The following ZNF334 variants were observed in gnomAD, a reference collection of about 807,000 sequenced individuals.
ZNF334 encodes zinc finger protein 334.
Under a neutral mutation model 12.4 loss-of-function variants are expected in ZNF334, and 14 were observed. The observed-to-expected ratio is 1.13, with a 90% confidence interval of 0.74 to 1.76. The LOEUF (loss-of-function observed/expected upper bound fraction) is 1.76. Among genes scored for constraint, ZNF334 ranks in the 40% most tolerant of loss-of-function variants. ZNF334 has a pLI of 0.00. For synonymous variants in ZNF334, 273 were observed against 269.6 expected, an observed-to-expected ratio of 1.01 and a Z score of -0.12; for missense variants, 797 against 804.5, an observed-to-expected ratio of 0.99 and a Z score of 0.11.
At chr20:46,507,223 G>T in intron 2 of ZNF334, among the ~76,000 whole-genome samples, 1 of 151,298 alleles carries the variant, frequency 6.6e-6, no homozygotes. Context: ...ACAAGGAAAA[G>T]AAAACAAAGG....
At chr20:46,475,406 G>C in the ZNF334 span, among the ~76,000 whole-genome samples, 35 of 152,094 alleles carry the variant, frequency 2.3e-4, 1 homozygote, top group South Asian at 6.6e-3. Flanking sequence ...ATCCATAAAA[G>C]AAGATATTTA....
At chr20:46,509,213 T>C (rs2061552962) in intron 2 of ZNF334, among the ~76,000 whole-genome samples, 1 of 152,198 alleles carries the variant, frequency 6.6e-6, no homozygotes, top group Non-Finnish European at 1.5e-5. Flanking sequence ...GTTCTATTGA[T>C]TTTTTTAAAA....
chr20:46,480,209 A>G, the ZNF334 span, among the ~76,000 whole-genome samples: 1 of 152,114 alleles, frequency 6.6e-6, no homozygotes, highest in Non-Finnish European at 1.5e-5. Flanking sequence ...ACAATTATTA[A>G]TCACACATTT....
At chr20:46,490,252 T>A in the ZNF334 span, among the ~76,000 whole-genome samples, 1 of 152,236 alleles carries the variant, frequency 6.6e-6, no homozygotes, top group African/African-American at 2.4e-5. Flanking sequence ...GTTCTTAATG[T>A]TCTTAGCAAC....
rs768028440 is a variant in ZNF334 at position 46,502,455 on chromosome 20, C to T, written c.884G>A (p.Cys295Tyr). ...AATGAAGGTTTTCCTGCATTCACTG[C>T]ATTCATAGGGTCTCTCTCCAGTATG... ...RIHTGERPYE[C>Y]SECRKTFIDK... is the part of the protein sequence containing the mutation. The change falls in exon 5 of 5, where the codon TGC (cysteine) becomes TAC (tyrosine). Residue 295 changes from cysteine to tyrosine, a missense_variant. Cys to Tyr is a radical substitution (Grantham distance 194). Coordinates refer to ENST00000692313, the MANE Select transcript of ZNF334 (RefSeq NM_001353824.2). 5 of 1,614,072 alleles carry T rather than the reference C, an allele frequency of 3.1e-6. No individual in the cohort carries two copies. The highest frequency in any genetic ancestry group is 4.2e-6 in the Non-Finnish European group (5 of 1,179,986).
rs144394680 is a variant in ZNF334, at chr20:46,502,007, C to T, written c.1332G>A (p.Thr444=). The part of the protein sequence containing the change: ...ECSQCGKFLC[T]KSALIAHQIT... ...TCTGATGTGCAATGAGGGCTGATTT[C>T]GTACATAAAAATTTTCCACATTGAC... Residue 444 remains threonine, a synonymous_variant, in exon 5 of 5, where the codon ACG becomes ACA. Coordinates refer to ENST00000692313, the MANE Select transcript of ZNF334 (RefSeq NM_001353824.2). 1.1e-3 allele frequency: 1,758 copies of T among 1,613,972 alleles called. 15 individuals carry two copies. In the African/African-American group the frequency reaches 0.014, roughly 13 times the overall value.
the ZNF334 span, among the ~76,000 whole-genome samples, chr20:46,494,394 T>C: frequency 6.6e-6 from 1 of 152,216 alleles, no homozygotes; most frequent in Non-Finnish European, 1.5e-5. Context: ...GTGTGCTTCC[T>C]TTCCATCTGC....
chr20:46,506,271 A>T, intron 2 of ZNF334: 1 of 526,794 alleles, frequency 1.9e-6, no homozygotes, highest in Non-Finnish European at 3.4e-6. Context: ...TGAAGTGAAA[A>T]AAGCAAAGTA....
At chr20:46,495,333 T>TA (rs2061003998), downstream of ZNF334, among the ~76,000 whole-genome samples, 1 of 151,290 alleles carries the variant, frequency 6.6e-6, no homozygotes, top group Non-Finnish European at 1.5e-5. Flanking sequence ...ATTTTGAAGA[T>TA]GTAATCAAGA....
the ZNF334 span, among the ~76,000 whole-genome samples, chr20:46,482,610 C>A: frequency 6.6e-6 from 1 of 152,198 alleles, no homozygotes; most frequent in Middle Eastern, 3.4e-3. Flanking sequence ...CCCTACTCAA[C>A]CACTGTCTTT....
chr20:46,462,601 A>G, the ZNF334 span, among the ~76,000 whole-genome samples: 5 of 152,236 alleles, frequency 3.3e-5, no homozygotes, highest in African/African-American at 1.2e-4. Flanking sequence ...CAGTAAATAC[A>G]ATTCTGTATC....
At chr20:46,491,282 A>G in the ZNF334 span, 1 of 152,888 alleles carries the variant, frequency 6.5e-6, no homozygotes. Context: ...AGTAAACCTG[A>G]CTCGGCATCA....
At position 46,506,428 on chromosome 20, in the gene ZNF334, T is replaced by A. The variant is rs140096732; in HGVS notation, c.22-1688A>T. 1,270 of 476,730 alleles carry A rather than the reference T, an allele frequency of 2.7e-3. 4 individuals are homozygous for A. The highest frequency in any genetic ancestry group is 4.1e-3 in the Admixed American group (107 of 26,356). The allele number at this position is 476,730 out of a possible 1,614,324, so 29.5% of individuals were successfully genotyped here. ...ATCGCTGGAGCTCAGAAGCTCAAGA[T>A]CAGTCTGGGCAACACGGCAAAACCC... On this transcript the variant is annotated intron_variant, in intron 2 of 4. Coordinates refer to ENST00000692313, the MANE Select transcript of ZNF334 (RefSeq NM_001353824.2).
In ZNF334 at chr20:46,499,739, GA is replaced by G. The variant is rs2061090200; in HGVS notation, c.*1556del. 6.6e-6 allele frequency: 1 copy of G among 152,070 alleles called. No individual in the cohort carries two copies. Among genetic ancestry groups the G allele is most frequent in the Non-Finnish European group, 1.5e-5 (1 of 68,012 alleles). 9.4% of individuals were successfully genotyped at this position (152,070 alleles called of 1,614,324 possible). Reference sequence around the variant, plus strand: ...AAGTGACTATTAATACATTTCACAGGAAAAGAGCAAGATCAGTATACACATA... The same window carrying G: ...AAGTGACTATTAATACATTTCACAGGAAAGAGCAAGATCAGTATACACATA... On this transcript the variant is annotated 3_prime_UTR_variant, in exon 5 of 5. Transcript: ENST00000692313.
chr20:46,489,600 A>C, the ZNF334 span, among the ~76,000 whole-genome samples: 1 of 151,134 alleles, frequency 6.6e-6, no homozygotes, highest in East Asian at 1.9e-4. Context: ...GGGGCTTGAA[A>C]TGAGCCAAGA....
Position 46,501,998 on chromosome 20 carries a change from G to C in ZNF334, c.1341C>G (p.Ala447=), listed in dbSNP as rs1329803851. The change falls in exon 5 of 5, where the codon GCC becomes GCG. Residue 447 remains alanine, a synonymous_variant. Coordinates refer to ENST00000692313, the MANE Select transcript of ZNF334 (RefSeq NM_001353824.2). The part of the protein sequence containing the change: ...QCGKFLCTKS[A]LIAHQITHRG... Reference sequence around the variant, plus strand: ...TATGAGTTATCTGATGTGCAATGAGGGCTGATTTCGTACATAAAAATTTTC... The same window carrying C: ...TATGAGTTATCTGATGTGCAATGAGCGCTGATTTCGTACATAAAAATTTTC... The C allele has an allele frequency of 6.2e-7, 1 of 1,613,894 alleles. No individual in the cohort carries two copies. Among genetic ancestry groups the C allele is most frequent in the Non-Finnish European group, 8.5e-7 (1 of 1,179,990 alleles).
chr20:46,473,194 G>C, the ZNF334 span, among the ~76,000 whole-genome samples: 1 of 152,034 alleles, frequency 6.6e-6, no homozygotes, highest in Non-Finnish European at 1.5e-5. Context: ...TATTTGAAAA[G>C]ATTCATTTCT....
Position 46,512,103 on chromosome 20 carries a change from G to C in ZNF334, c.-1C>G, listed in dbSNP as rs760737839. On this transcript the variant is annotated 5_prime_UTR_variant, in exon 2 of 5. Transcript: ENST00000692313. ...TTACCTGAAATTTTTTCATTTTCAT[G>C]TTCTCTTGAGAAAGGGCCAAGAGTG... The C allele has an allele frequency of 1.2e-6, 2 of 1,613,726 alleles. No homozygotes were observed. Among genetic ancestry groups the C allele is most frequent in the South Asian group, 2.2e-5 (2 of 91,070 alleles).
chr20:46,482,084 A>G, the ZNF334 span, among the ~76,000 whole-genome samples: 1 of 152,166 alleles, frequency 6.6e-6, no homozygotes, highest in African/African-American at 2.4e-5. Context: ...GAGCCAAGGA[A>G]TGCAGGTGGT....
Sources: gnomAD v4.1 joint callset for allele counts (sites outside exome capture counted in the v4.1 genomes callset) on GRCh38, gnomAD v4.1.1 for gene constraint, MANE v1.5 for transcripts, NCBI Gene and HGNC (gene_info 2026-07-23, HGNC 2026-07-21) for gene names.